Variants in LYRM4 observed in about 807,000 individuals in gnomAD.
The protein encoded by LYRM4 is LYR motif containing 4.
Under a neutral mutation model 11.7 loss-of-function variants are expected in LYRM4, and 9 were observed. That is an observed-to-expected ratio of 0.77 (90% CI 0.46 to 1.34). The LOEUF is 1.34. LYRM4 is among the 40% of genes most tolerant of loss of function. The pLI is 0.00. For synonymous variants in LYRM4, 42 were observed against 40.4 expected (o/e 1.04, Z -0.15); for missense variants, 133 against 112.5 (o/e 1.18, Z -0.82).
Position 5,140,413 on chromosome 6 carries a change from T to C in LYRM4, c.208-30922A>G, listed in dbSNP as rs116369808. Among the ~76,000 whole-genome samples the C allele has an allele frequency of 5.2e-3, 796 of 152,282 alleles. 7 individuals are homozygous for C. Among genetic ancestry groups the C allele is most frequent in the African/African-American group, 0.018 (756 of 41,556 alleles). On this transcript the variant is annotated intron_variant, in intron 2 of 2. Coordinates refer to ENST00000330636, the MANE Select transcript of LYRM4 (RefSeq NM_020408.6). ...AAAGCTTAACTAAAATTTGAAAAGA[T>C]TGAAAAAATCTGTTTGGAGGAAGGA...
chr6:5,177,390 C>T (rs1561850457), intron 2 of LYRM4, among the ~76,000 whole-genome samples: 3 of 152,222 alleles, frequency 2.0e-5, no homozygotes, highest in African/African-American at 4.8e-5. Flanking sequence ...ACTCAGTCAT[C>T]TGACTGGAAA....
the LYRM4 span, among the ~76,000 whole-genome samples, chr6:5,083,951 G>A: frequency 3.9e-5 from 6 of 152,208 alleles, no homozygotes; most frequent in East Asian, 1.2e-3. Context: ...ATACTTCCAG[G>A]CCCCAGCCCA....
chr6:5,231,092 T>C (rs1561888101), intron 1 of LYRM4, among the ~76,000 whole-genome samples: 1 of 152,100 alleles, frequency 6.6e-6, no homozygotes, highest in South Asian at 2.1e-4. Context: ...GTCTGGCCAA[T>C]GTGGTGAAAC....
chr6:5,122,723 G>C lies in LYRM4; in HGVS notation c.208-13232C>G, dbSNP rs772045916. On this transcript the variant is annotated intron_variant, in intron 2 of 2. Transcript: ENST00000330636. ...CTGGTGGCAGCTGTCCTACCTCTGC[G>C]CTCGTGGGCCAACATCTGGCTCATG... 1.3e-5 allele frequency among the ~76,000 whole-genome samples: 2 copies of C among 152,174 alleles called. 1 individual carries two copies. Among genetic ancestry groups the C allele is most frequent in the East Asian group, 3.9e-4 (2 of 5,190 alleles).
At chr6:5,173,712 T>G (rs1042306400) in intron 2 of LYRM4, among the ~76,000 whole-genome samples, 11 of 152,250 alleles carry the variant, frequency 7.2e-5, no homozygotes, top group Non-Finnish European at 1.5e-4. Flanking sequence ...TCACCTTTCA[T>G]AAAACAGTCC....
the LYRM4 span, chr6:5,088,784 C>T: frequency 3.9e-5 from 6 of 152,170 alleles, no homozygotes; most frequent in Admixed American, 6.5e-5. Context: ...TCTCAGTAAT[C>T]TTGTTTAGAA....
chr6:5,035,453 A>AGC, the LYRM4 span, among the ~76,000 whole-genome samples: 1 of 150,778 alleles, frequency 6.6e-6, no homozygotes, highest in African/African-American at 2.4e-5. Flanking sequence ...CCTCTGGCTC[A>AGC]GCGTGCATCG....
chr6:5,103,644 T>C (rs1762571376), downstream of LYRM4: 1 of 149,784 alleles, frequency 6.7e-6, no homozygotes, highest in Admixed American at 6.6e-5. Flanking sequence ...TTTTTTTTTT[T>C]TTTTTTTTTG....
intron 1 of LYRM4, among the ~76,000 whole-genome samples, chr6:5,251,091 C>T (rs1303495735): frequency 2.6e-5 from 4 of 152,172 alleles, no homozygotes; most frequent in East Asian, 3.8e-4. Context: ...ATTGCATATG[C>T]GCAACCATAC....
At chr6:5,220,531 T>C (rs1351597326) in intron 1 of LYRM4, among the ~76,000 whole-genome samples, 2 of 152,154 alleles carry the variant, frequency 1.3e-5, no homozygotes, top group Admixed American at 6.5e-5. Context: ...CTACCTCCAA[T>C]GACTTGGAAG....
At chr6:5,116,240 A>G (rs896292438) in intron 2 of LYRM4, among the ~76,000 whole-genome samples, 1 of 152,228 alleles carries the variant, frequency 6.6e-6, no homozygotes. Context: ...TACTGCAAAA[A>G]GAATGTTCAC....
chr6:5,052,901 T>G, the LYRM4 span, among the ~76,000 whole-genome samples: 1 of 152,362 alleles, frequency 6.6e-6, no homozygotes, highest in Admixed American at 6.5e-5. Context: ...GAACTTGCTC[T>G]CATTAACTGA....
intron 2 of LYRM4, among the ~76,000 whole-genome samples, chr6:5,210,367 G>A (rs190081562): frequency 2.0e-5 from 3 of 151,840 alleles, no homozygotes; most frequent in Non-Finnish European, 4.4e-5. Context: ...GAGGGCTCGC[G>A]GGTGTAAATT....
the LYRM4 span, among the ~76,000 whole-genome samples, chr6:5,069,998 GCA>G: frequency 6.6e-6 from 1 of 152,218 alleles, no homozygotes; most frequent in Non-Finnish European, 1.5e-5. Context: ...AAATTACTGT[GCA>G]CCAGCACATG....
chr6:5,038,166 C>T, the LYRM4 span, among the ~76,000 whole-genome samples: 1 of 57,224 alleles, frequency 1.7e-5, no homozygotes, highest in African/African-American at 4.7e-5. Context: ...ACATCCCAGA[C>T]AGGGAGGCGG....
At chr6:5,149,076 G>C (rs938472587) in intron 2 of LYRM4, among the ~76,000 whole-genome samples, 5 of 152,094 alleles carry the variant, frequency 3.3e-5, no homozygotes, top group African/African-American at 9.7e-5. Flanking sequence ...TAAATGATTG[G>C]ATGAGTAATA....
intron 2 of LYRM4, among the ~76,000 whole-genome samples, chr6:5,120,022 G>C (rs1763352333): frequency 6.6e-6 from 1 of 151,844 alleles, no homozygotes; most frequent in Non-Finnish European, 1.5e-5. Flanking sequence ...AGCCTCCCGA[G>C]TAGCTGGGAC....
intron 2 of LYRM4, among the ~76,000 whole-genome samples, chr6:5,147,582 C>T (rs1350418661): frequency 1.3e-5 from 2 of 152,164 alleles, no homozygotes; most frequent in Admixed American, 6.5e-5. Context: ...TTTGCTTAAC[C>T]AAACTTTACA....
chr6:5,032,150 G>T, the LYRM4 span: 2 of 152,118 alleles, frequency 1.3e-5, no homozygotes, highest in East Asian at 3.9e-4. Flanking sequence ...TTAATATTTA[G>T]ATTCAAGAGC....
Sources: allele counts gnomAD v4.1 joint callset (sites outside exome capture counted in the v4.1 genomes callset), GRCh38; gene constraint gnomAD v4.1.1; transcripts MANE v1.5; gene names NCBI Gene and HGNC (gene_info 2026-07-23, HGNC 2026-07-21).